The following CMTR2 variants were observed in gnomAD, a reference collection of about 807,000 sequenced individuals.
CMTR2 encodes cap-specific mRNA (nucleoside-2'-O-)-methyltransferase 2.
CMTR2 carries 40 observed loss-of-function variants against 49.8 expected under a neutral mutation model. That is an observed-to-expected ratio of 0.80 (90% CI 0.62 to 1.04). The LOEUF is 1.04. Ranked by LOEUF, CMTR2 falls within the 50% of genes least tolerant of loss-of-function variation. CMTR2 has a pLI of 0.00. For synonymous variants in CMTR2, 326 were observed against 315.8 expected (o/e 1.03, Z -0.34); for missense variants, 907 against 897.2 (o/e 1.01, Z -0.14).
At chr16:71,288,639 C>T (rs1287305832) in intron 2 of CMTR2, 1 of 140,432 alleles carries the variant, frequency 7.1e-6, no homozygotes, top group Admixed American at 7.0e-5. Flanking sequence ...CACTTAAATG[C>T]ATGACTTAAA....
chr16:71,285,245 T>A lies in CMTR2; in HGVS notation c.676A>T (p.Met226Leu). The part of the protein sequence containing the change: ...LTGLQNFISS[M>L]ATVHLVTADG... ...GCAGTGACCAAGTGAACAGTAGCCA[T>A]GCTGCTTATGAAATTCTGAAGTCCA... Residue 226 changes from methionine (M) to leucine (L), a missense_variant, in exon 3 of 3, where the codon ATG becomes TTG. Physicochemically the swap from Met to Leu is conservative, Grantham distance 15 (BLOSUM62 2). Coordinates refer to ENST00000434935, the MANE Select transcript of CMTR2 (RefSeq NM_018348.6). 6.2e-7 allele frequency: 1 copy of A among 1,614,024 alleles called. No homozygotes were observed. Among genetic ancestry groups the A allele is most frequent in the Non-Finnish European group, 8.5e-7 (1 of 1,179,864 alleles).
chr16:71,283,442 A>G lies in CMTR2; in HGVS notation c.*166T>C, dbSNP rs1209551982. The G allele has an allele frequency of 1.3e-6, 1 of 751,516 alleles. No individual in the cohort carries two copies. The highest frequency in any genetic ancestry group is 1.8e-5 in the African/African-American group (1 of 56,378). The allele number at this position is 751,516 out of a possible 1,614,324, so 46.6% of individuals were successfully genotyped here. On this transcript the variant is annotated 3_prime_UTR_variant, in exon 3 of 3. Transcript: ENST00000434935. The stretch of plus-strand genomic sequence containing the variant: ...GAGCTCTATGCCTGTGGGTGTATAT[A>G]CCCTAGAGATCAGAATGGATGGTTT...
In CMTR2 at chr16:71,285,798, A is replaced by G. The variant is rs778393775; in HGVS notation, c.123T>C (p.Asn41=). The change falls in exon 3 of 3, where the codon AAT becomes AAC. Residue 41 remains asparagine (N), a synonymous_variant. Transcript: ENST00000434935. ...TGGGATCTGGTAACTGCCACTCATT[A>G]TTAAGTGGCTTGCCATAAGAAAAGT... ...AKNFSYGKPL[N]NEWQLPDPSE... is the part of the protein sequence containing the mutation. The G allele has an allele frequency of 6.2e-7, 1 of 1,614,122 alleles. No homozygotes were observed. Among genetic ancestry groups the G allele is most frequent in the Admixed American group, 1.7e-5 (1 of 60,012 alleles).
Position 71,285,088 on chromosome 16 carries a change from G to A in CMTR2, c.833C>T (p.Thr278Ile). Reference sequence around the variant, plus strand: ...GTTTATGGAACAATGTTCAAACATAGTAAACATCTTTAGAACAAAAGAGCC... The same window carrying A: ...GTTTATGGAACAATGTTCAAACATAATAAACATCTTTAGAACAAAAGAGCC... The part of the protein sequence containing the change: ...NGGSFVLKMF[T>I]MFEHCSINLM... The change falls in exon 3 of 3, where the codon ACT (threonine) becomes ATT (isoleucine). Residue 278 changes from threonine to isoleucine, a missense_variant. Transcript: ENST00000434935. 1.2e-6 allele frequency: 2 copies of A among 1,614,056 alleles called. No individual in the cohort carries two copies. Among genetic ancestry groups the A allele is most frequent in the South Asian group, 2.2e-5 (2 of 91,082 alleles).
In CMTR2 at chr16:71,285,211, C is replaced by G; in HGVS notation, c.710G>C (p.Ser237Thr). ...ATVHLVTADG[S>T]FDCQGNPGEQ... ...ACCTGGGTTTCCTTGGCAATCAAAACTCCCATCTGCAGTGACCAAGTGAAC... is the reference window on the plus strand; with the variant it reads ...ACCTGGGTTTCCTTGGCAATCAAAAGTCCCATCTGCAGTGACCAAGTGAAC... Residue 237 changes from serine (S) to threonine (T), a missense_variant, in exon 3 of 3, where the codon AGT (serine) becomes ACT (threonine). By Grantham distance (58) the Ser-to-Thr change is moderately conservative. Transcript: ENST00000434935. 1 of 1,613,726 alleles carries G rather than the reference C, an allele frequency of 6.2e-7. No individual in the cohort carries two copies. The highest frequency in any genetic ancestry group is 8.5e-7 in the Non-Finnish European group (1 of 1,179,602).
In CMTR2 at chr16:71,285,281, T is replaced by G; in HGVS notation, c.640A>C (p.Lys214Gln). Residue 214 changes from lysine to glutamine, a missense_variant, in exon 3 of 3, where the codon AAA becomes CAA. Coordinates refer to ENST00000434935, the MANE Select transcript of CMTR2 (RefSeq NM_018348.6). The part of the protein sequence containing the change: ...PDNTGDIMTL[K>Q]FLTGLQNFIS... The stretch of plus-strand genomic sequence containing the variant: ...AAATTCTGAAGTCCAGTCAAGAATT[T>G]CAGGGTCATGATATCACCAGTGTTA... 1 of 1,614,174 alleles carries G rather than the reference T, an allele frequency of 6.2e-7. No homozygotes were observed. The highest frequency in any genetic ancestry group is 1.1e-5 in the South Asian group (1 of 91,078).
At position 71,284,789 on chromosome 16, in the gene CMTR2, T is replaced by C; in HGVS notation, c.1132A>G (p.Asn378Asp). The C allele has an allele frequency of 6.2e-7, 1 of 1,613,876 alleles. No individual in the cohort carries two copies. Among genetic ancestry groups the C allele is most frequent in the Non-Finnish European group, 8.5e-7 (1 of 1,179,964 alleles). The change falls in exon 3 of 3, where the codon AAC (asparagine) becomes GAC (aspartate). Residue 378 changes from asparagine (N) to aspartate (D), a missense_variant. Coordinates refer to ENST00000434935, the MANE Select transcript of CMTR2 (RefSeq NM_018348.6). Reference sequence around the variant, plus strand: ...CCCATGCACTCAAATAGACGAATGTTTTCAGAAATAGTCTCTAGCTGATAT... The same window carrying C: ...CCCATGCACTCAAATAGACGAATGTCTTCAGAAATAGTCTCTAGCTGATAT... Reference protein sequence around the residue: ...HKYQLETISENIRLFECMGKA... With the variant: ...HKYQLETISEDIRLFECMGKA...
Position 71,285,463 on chromosome 16 carries a change from C to T in CMTR2, c.458G>A (p.Ser153Asn). The T allele has an allele frequency of 6.2e-7, 1 of 1,614,152 alleles. No individual in the cohort carries two copies. Among genetic ancestry groups the T allele is most frequent in the East Asian group, 2.2e-5 (1 of 44,892 alleles). ...ATGGGATTTTAAGTAGTGGTTGAGACTAGCTATAAAAGCTCCTGGAGCTTC... is the reference window on the plus strand; with the variant it reads ...ATGGGATTTTAAGTAGTGGTTGAGATTAGCTATAAAAGCTCCTGGAGCTTC... ...LCEAPGAFIA[S>N]LNHYLKSHRF... Residue 153 changes from serine to asparagine, a missense_variant, in exon 3 of 3, where the codon AGT (serine) becomes AAT (asparagine). By Grantham distance (46) the Ser-to-Asn change is conservative (BLOSUM62 1). Coordinates refer to ENST00000434935, the MANE Select transcript of CMTR2 (RefSeq NM_018348.6).
intron 2 of CMTR2, 200 bp downstream of exon 2, chr16:71,288,678 C>T (rs1367733812): frequency 5.9e-5 from 9 of 151,550 alleles, no homozygotes; most frequent in Admixed American, 5.9e-4. Flanking sequence ...TGGCTTACAG[C>T]GTGTGTGGAA....
intron 2 of CMTR2, among the ~76,000 whole-genome samples, 177 bp from the exon 3 acceptor site, chr16:71,286,116 C>T (rs1419096414): frequency 6.6e-6 from 1 of 152,014 alleles, no homozygotes; most frequent in Non-Finnish European, 1.5e-5. Context: ...ATATCCAAGA[C>T]CTGGGTTCAA....
Position 71,285,459 on chromosome 16 carries a change from G to C in CMTR2, c.462C>G (p.Leu154=), listed in dbSNP as rs778299950. ...ACCGATGGGATTTTAAGTAGTGGTT[G>C]AGACTAGCTATAAAAGCTCCTGGAG... The part of the protein sequence containing the change: ...CEAPGAFIAS[L]NHYLKSHRFP... The change falls in exon 3 of 3, where the codon CTC becomes CTG. Residue 154 remains leucine, a synonymous_variant. Transcript: ENST00000434935. 19 of 1,614,010 alleles carry C rather than the reference G, an allele frequency of 1.2e-5. No individual in the cohort carries two copies. The highest frequency in any genetic ancestry group is 1.6e-5 in the Non-Finnish European group (19 of 1,179,976).
rs1485830716 is a variant in CMTR2, at chr16:71,283,194, G to A, written c.*414C>T. 1.3e-5 allele frequency: 2 copies of A among 158,296 alleles called. No homozygotes were observed. The highest frequency in any genetic ancestry group is 4.8e-5 in the African/African-American group (2 of 41,590). 9.8% of individuals were successfully genotyped at this position (158,296 alleles called of 1,614,324 possible). ...CATTAACAACATTAACCAATGAGAG[G>A]AAATTAGTTGGAAAATTCACTAACA... is the stretch of plus-strand genomic sequence containing the variant. On this transcript the variant is annotated 3_prime_UTR_variant, in exon 3 of 3. Coordinates refer to ENST00000434935, the MANE Select transcript of CMTR2 (RefSeq NM_018348.6).
At position 71,289,386 on chromosome 16, in the gene CMTR2, G is replaced by C. The variant is rs2041795822; in HGVS notation, c.-330C>G. ...CCGCAGCCGCGAATGCCGGCAGACA[G>C]GGACCAGGAGGCACTCAAGTCCCAC... On this transcript the variant is annotated 5_prime_UTR_variant, in exon 1 of 3. Coordinates refer to ENST00000434935, the MANE Select transcript of CMTR2 (RefSeq NM_018348.6). 1 of 152,236 alleles carries C rather than the reference G, an allele frequency of 6.6e-6. No individual in the cohort carries two copies. The highest frequency in any genetic ancestry group is 2.4e-5 in the African/African-American group (1 of 41,462). The allele number at this position is 152,236 out of a possible 1,614,324, so 9.4% of individuals were successfully genotyped here.
rs771297237 is a variant in CMTR2 at position 71,283,940 on chromosome 16, C to T, written c.1981G>A (p.Val661Ile). The T allele has an allele frequency of 2.5e-6, 4 of 1,613,710 alleles. No homozygotes were observed. The African/African-American group carries it at 5.3e-5, about 22-fold the overall frequency. The change falls in exon 3 of 3, where the codon GTA becomes ATA. Residue 661 changes from valine to isoleucine, a missense_variant. Transcript: ENST00000434935. ...FTRFMAGLIF[V>I]LHSCFRFITF... ...ATGAATCTAAAACAACTGTGGAGTA[C>T]AAAGATCAAACCAGCCATAAATCTT...
Position 71,281,836 on chromosome 16 carries a change from G to T in CMTR2, c.*1772C>A, listed in dbSNP as rs2041615968. 6.6e-6 allele frequency: 1 copy of T among 151,982 alleles called. No individual in the cohort carries two copies. Among genetic ancestry groups the T allele is most frequent in the Admixed American group, 6.6e-5 (1 of 15,258 alleles). The allele number at this position is 151,982 out of a possible 1,614,324, so 9.4% of individuals were successfully genotyped here. A position where few individuals can be genotyped will look rare whatever the true frequency, so the allele number is the denominator to read the frequency against. On this transcript the variant is annotated 3_prime_UTR_variant, in exon 3 of 3. Coordinates refer to ENST00000434935, the MANE Select transcript of CMTR2 (RefSeq NM_018348.6). ...TAATAATGCTAGAATCTGGACCCAT[G>T]CCTTCAACTTCATTCTTATCAAATA...
rs930136771 is a variant in CMTR2, at chr16:71,282,723, T to G, written c.*885A>C. On this transcript the variant is annotated 3_prime_UTR_variant, in exon 3 of 3. Transcript: ENST00000434935. Reference sequence around the variant, plus strand: ...TGAAAGTCTGAAGCGTTTTCTTTAGTATTCACTATGTTCATCACATTCATG... The same window carrying G: ...TGAAAGTCTGAAGCGTTTTCTTTAGGATTCACTATGTTCATCACATTCATG... 6.6e-6 allele frequency: 1 copy of G among 152,268 alleles called. No homozygotes were observed. Among genetic ancestry groups the G allele is most frequent in the Non-Finnish European group, 1.5e-5 (1 of 68,006 alleles). 9.4% of individuals were successfully genotyped at this position (152,268 alleles called of 1,614,324 possible).
At position 71,284,277 on chromosome 16, in the gene CMTR2, A is replaced by G. The variant is rs753927764; in HGVS notation, c.1644T>C (p.His548=). The G allele has an allele frequency of 1.1e-5, 18 of 1,614,020 alleles. No individual in the cohort carries two copies. Among genetic ancestry groups the G allele is most frequent in the Non-Finnish European group, 1.3e-5 (15 of 1,180,004 alleles). ...AAAATATCAGTTCTTCAGAAAAAAC[A>G]TGACAAGAACAAGAATACTGCTGTT... ...RPKQQYSCSC[H]VFSEELIFSE... is the part of the protein sequence containing the mutation. The change falls in exon 3 of 3, where the codon CAT becomes CAC. Residue 548 remains histidine (H), a synonymous_variant. Coordinates refer to ENST00000434935, the MANE Select transcript of CMTR2 (RefSeq NM_018348.6).
chr16:71,283,763 G>GC lies in CMTR2; in HGVS notation c.2157dup (p.Gln720AlafsTer13). On this transcript the variant is annotated frameshift_variant, in exon 3 of 3. Transcript: ENST00000434935. LOFTEE classifies it high-confidence loss of function. ...TCCATTGGCACAAACTGTAAAACCT[G>GC]CTGGGGTGAGTCAGAGTTGAGCAAA... The GC allele has an allele frequency of 6.2e-7, 1 of 1,613,960 alleles. No homozygotes were observed. Among genetic ancestry groups the GC allele is most frequent in the Non-Finnish European group, 8.5e-7 (1 of 1,179,892 alleles).
At position 71,285,420 on chromosome 16, in the gene CMTR2, C is replaced by T; in HGVS notation, c.501G>A (p.Trp167Ter). ...GATTCAGAGTATTCGCTACCCAACTCCAATGACAAGGAAACCGATGGGATT... is the reference window on the plus strand; with the variant it reads ...GATTCAGAGTATTCGCTACCCAACTTCAATGACAAGGAAACCGATGGGATT... ...YLKSHRFPCH[W>*]SWVANTLNPY... Residue 167 changes from tryptophan (W) to a stop codon, truncating the protein, a stop_gained, in exon 3 of 3, where the codon TGG (tryptophan) becomes TGA (stop). Transcript: ENST00000434935. LOFTEE classifies it high-confidence loss of function. 6.2e-7 allele frequency: 1 copy of T among 1,614,102 alleles called. No individual in the cohort carries two copies. The highest frequency in any genetic ancestry group is 1.1e-5 in the South Asian group (1 of 91,074).
Sources: allele counts gnomAD v4.1 joint callset (sites outside exome capture counted in the v4.1 genomes callset), GRCh38; gene constraint gnomAD v4.1.1; transcripts MANE v1.5; gene names NCBI Gene and HGNC (gene_info 2026-07-23, HGNC 2026-07-21).